The following SYT10 variants were observed in gnomAD, a reference collection of about 807,000 sequenced individuals.
SYT10 encodes the protein synaptotagmin 10, also known as synaptotagmin-10.
SYT10 carries 31 observed loss-of-function variants against 51.1 expected under a neutral mutation model. The observed-to-expected ratio is 0.61, with a 90% CI of 0.46 to 0.82. The LOEUF (loss-of-function observed/expected upper bound fraction) is 0.82. Among genes scored for constraint, SYT10 ranks in the 40% least tolerant of loss-of-function variants. The pLI is 0.00. For synonymous variants in SYT10, 233 were observed against 225.9 expected (o/e 1.03, Z -0.28); for missense variants, 603 against 634.0 (o/e 0.95, Z 0.53).
At chr12:33,378,051 A>AT (rs1866079702) in intron 6 of SYT10, among the ~76,000 whole-genome samples, 3 of 152,012 alleles carry the variant, frequency 2.0e-5, no homozygotes, top group Admixed American at 2.0e-4. Flanking sequence ...TTATATACTT[A>AT]TTTTTCCTAT....
chr12:33,410,375 G>T (rs1866394997), intron 2 of SYT10, among the ~76,000 whole-genome samples: 1 of 152,166 alleles, frequency 6.6e-6, no homozygotes, highest in Non-Finnish European at 1.5e-5. Context: ...ACCATAAGAA[G>T]TGCTTAGGGC....
At chr12:33,428,362 A>G (rs1481873126) in intron 1 of SYT10, among the ~76,000 whole-genome samples, 1 of 152,176 alleles carries the variant, frequency 6.6e-6, no homozygotes, top group Non-Finnish European at 1.5e-5. Flanking sequence ...ATTTAAAGAG[A>G]GTTTCAAGGC....
chr12:33,426,521 A>T, intron 1 of SYT10, 26 bp from the exon 2 acceptor site: 3 of 1,481,112 alleles, frequency 2.0e-6, no homozygotes, highest in African/African-American at 2.9e-5. Context: ...TGTAAAAATG[A>T]TTAATTAATA....
chr12:33,379,708 C>A (rs1270274666), intron 6 of SYT10, 124 bp downstream of exon 6: 4 of 1,311,238 alleles, frequency 3.1e-6, no homozygotes, highest in Non-Finnish European at 4.1e-6. Flanking sequence ...AAAGCAAGAA[C>A]AATCTTTTCT....
At chr12:33,432,262 T>C (rs1029778591) in intron 1 of SYT10, 1 of 152,102 alleles carries the variant, frequency 6.6e-6, no homozygotes, top group African/African-American at 2.4e-5. Context: ...TAATGGTGCA[T>C]CTTATAATCA....
In SYT10 at chr12:33,376,278, C is replaced by A. The variant is rs11052654; in HGVS notation, c.*552G>T. On this transcript the variant is annotated 3_prime_UTR_variant, in exon 7 of 7. Transcript: ENST00000228567. ...GAGACAAGTTTTGAGTTTAGCAGAG[C>A]CAAACCTCACCAAGAAAGTAATTTT... is the stretch of plus-strand genomic sequence containing the variant. 1.3e-5 allele frequency: 2 copies of A among 151,874 alleles called. No homozygotes were observed. Among genetic ancestry groups the A allele is most frequent in the Non-Finnish European group, 2.9e-5 (2 of 67,994 alleles). 9.4% of individuals were successfully genotyped at this position (151,874 alleles called of 1,614,324 possible).
chr12:33,409,645 C>A (rs1308966338), intron 2 of SYT10, among the ~76,000 whole-genome samples: 3 of 151,948 alleles, frequency 2.0e-5, no homozygotes, highest in Non-Finnish European at 4.4e-5. Context: ...TTCCGAGTAG[C>A]TGGGACTACA....
chr12:33,427,831 A>T (rs1350800282), intron 1 of SYT10, among the ~76,000 whole-genome samples: 1 of 152,230 alleles, frequency 6.6e-6, no homozygotes. Context: ...TCATCAAAAA[A>T]TTTTAAATGA....
chr12:33,386,766 C>T (rs533877326), intron 3 of SYT10, among the ~76,000 whole-genome samples: 1 of 152,286 alleles, frequency 6.6e-6, no homozygotes, highest in South Asian at 2.1e-4. Flanking sequence ...TCTTGGCTGT[C>T]TTACTTTCTA....
intron 4 of SYT10, among the ~76,000 whole-genome samples, chr12:33,383,065 T>A (rs763860611): frequency 2.6e-5 from 4 of 152,232 alleles, no homozygotes; most frequent in Non-Finnish European, 5.9e-5. Flanking sequence ...AGGGATCAGA[T>A]AATTGTTGAC....
chr12:33,419,601 A>C (rs1866483192), intron 2 of SYT10, among the ~76,000 whole-genome samples: 2 of 152,168 alleles, frequency 1.3e-5, no homozygotes, highest in African/African-American at 2.4e-5. Context: ...AGATTATGAG[A>C]ATAACATACT....
chr12:33,401,791 T>A (rs1866309360), intron 3 of SYT10, among the ~76,000 whole-genome samples: 1 of 152,082 alleles, frequency 6.6e-6, no homozygotes, highest in Non-Finnish European at 1.5e-5. Context: ...TATTTATACA[T>A]CTCTACACTT....
At chr12:33,387,288 T>C (rs1232537655) in intron 3 of SYT10, among the ~76,000 whole-genome samples, 1 of 152,226 alleles carries the variant, frequency 6.6e-6, no homozygotes, top group Non-Finnish European at 1.5e-5. Context: ...TTTTCTACTT[T>C]CTAAAAGTGA....
At chr12:33,422,359 T>C (rs1284417286) in intron 2 of SYT10, among the ~76,000 whole-genome samples, 1 of 152,176 alleles carries the variant, frequency 6.6e-6, no homozygotes, top group Non-Finnish European at 1.5e-5. Flanking sequence ...GTTTTCTATT[T>C]CCTGATTTTT....
At position 33,439,465 on chromosome 12, in the gene SYT10, C is replaced by T. The variant is rs1292554994; in HGVS notation, c.58G>A (p.Val20Ile). ...NSLCQKALHI[V>I]TELCFAGQVE... ...TGGCCGGCGAAGCACAGCTCGGTGA[C>T]GATGTGCAGAGCCTTCTGGCACAGA... is the stretch of plus-strand genomic sequence containing the variant. Residue 20 changes from valine to isoleucine, a missense_variant, in exon 1 of 7, where the codon GTC (valine) becomes ATC (isoleucine). Physicochemically the swap from Val to Ile is conservative, Grantham distance 29. Transcript: ENST00000228567. 1 of 1,614,210 alleles carries T rather than the reference C, an allele frequency of 6.2e-7. No individual in the cohort carries two copies. The highest frequency in any genetic ancestry group is 1.7e-5 in the Admixed American group (1 of 60,034).
chr12:33,379,739 A>C, intron 6 of SYT10, 93 bp downstream of exon 6: 1 of 1,481,812 alleles, frequency 6.7e-7, no homozygotes, highest in Non-Finnish European at 9.2e-7. Flanking sequence ...ACAAGGGTGA[A>C]TACATAAAAT....
intron 1 of SYT10, among the ~76,000 whole-genome samples, chr12:33,434,677 T>A (rs1866623403): frequency 6.6e-6 from 1 of 152,066 alleles, no homozygotes; most frequent in African/African-American, 2.4e-5. Context: ...TGGTGGCACA[T>A]GCCTGTAATC....
intron 2 of SYT10, among the ~76,000 whole-genome samples, chr12:33,419,277 TG>T (rs1565497834): frequency 6.6e-6 from 1 of 152,132 alleles, no homozygotes; most frequent in East Asian, 1.9e-4. Flanking sequence ...TGTGTGTGTG[TG>T]GGGGGACTTT....
intron 1 of SYT10, among the ~76,000 whole-genome samples, chr12:33,437,217 C>T (rs976728155): frequency 4.6e-5 from 7 of 152,144 alleles, no homozygotes; most frequent in Non-Finnish European, 4.4e-5. Context: ...AATATCTTTC[C>T]TAGTAATAGC....
Sources: gnomAD v4.1 joint callset for allele counts (sites outside exome capture counted in the v4.1 genomes callset) on GRCh38, gnomAD v4.1.1 for gene constraint, MANE v1.5 for transcripts, NCBI Gene and HGNC (gene_info 2026-07-23, HGNC 2026-07-21) for gene names.